Variants in RIMS1 observed in about 807,000 individuals in gnomAD.
RIMS1 encodes the protein regulating synaptic membrane exocytosis 1.
RIMS1 carries 83 observed loss-of-function variants against 214.1 expected under a neutral mutation model. That is an observed-to-expected ratio of 0.39 (90% CI 0.32 to 0.47). RIMS1 has a LOEUF of 0.47. RIMS1 is among the 20% of genes least tolerant of loss of function. The pLI, the probability that RIMS1 is intolerant of heterozygous loss-of-function variation, is 0.99. For missense variants in RIMS1, 2,050 were observed against 2,161.8 expected, an observed-to-expected ratio of 0.95 and a Z score of 1.03; for synonymous variants, 793 against 786.8, an observed-to-expected ratio of 1.01 and a Z score of -0.13.
rs1003257363 is a variant in RIMS1 at position 72,223,288 on chromosome 6, C to T, written c.1679-10485C>T. On this transcript the variant is annotated intron_variant, in intron 6 of 33. Transcript: ENST00000521978. ...ACTTGCTATTTACTGTAAAGTAATA[C>T]CTGCACATCAGTTCCATTTTGTTGT... 3.3e-5 allele frequency among the ~76,000 whole-genome samples: 5 copies of T among 152,206 alleles called. No homozygotes were observed. In the East Asian group the frequency reaches 9.6e-4, roughly 29 times the overall value.
intron 28 of RIMS1, among the ~76,000 whole-genome samples, chr6:72,329,896 C>T (rs566524193): frequency 7.9e-5 from 12 of 151,810 alleles, no homozygotes; most frequent in African/African-American, 2.7e-4. Flanking sequence ...CAAGCAGATA[C>T]GTCAGTTGAC....
At chr6:72,398,889 T>C (rs780368695) in intron 32 of RIMS1, 66 bp from the exon 33 acceptor site, 26 of 1,000,632 alleles carry the variant, frequency 2.6e-5, no homozygotes, top group Non-Finnish European at 3.6e-5. Flanking sequence ...AATAGGGAAT[T>C]CTCTAATTAA....
At chr6:72,278,165 A>T (rs2087736428) in intron 23 of RIMS1, among the ~76,000 whole-genome samples, 1 of 151,542 alleles carries the variant, frequency 6.6e-6, no homozygotes, top group Admixed American at 6.6e-5. Context: ...CTATCTATCT[A>T]TCTATCTATC....
At chr6:72,030,721 T>C (rs1459591997) in intron 2 of RIMS1, among the ~76,000 whole-genome samples, 1 of 152,176 alleles carries the variant, frequency 6.6e-6, no homozygotes, top group Non-Finnish European at 1.5e-5. Context: ...TCAAAATCCA[T>C]GTGATCTTTT....
At chr6:71,987,285 ATAGTTC>A (rs879797480) in intron 2 of RIMS1, among the ~76,000 whole-genome samples, 2 of 152,200 alleles carry the variant, frequency 1.3e-5, no homozygotes, top group Non-Finnish European at 2.9e-5. Flanking sequence ...TTTATTTCTC[ATAGTTC>A]TGGAGGCTGA....
At chr6:72,271,286 A>AAAAAT (rs1417580438) in intron 22 of RIMS1, among the ~76,000 whole-genome samples, 1 of 44,422 alleles carries the variant, frequency 2.3e-5, no homozygotes, top group African/African-American at 1.1e-4. Context: ...AAAAAAAAAA[A>AAAAAT]ATATATATAT....
intron 1 of RIMS1, among the ~76,000 whole-genome samples, chr6:71,896,099 G>A (rs1431014499): frequency 6.6e-6 from 1 of 152,034 alleles, no homozygotes; most frequent in Non-Finnish European, 1.5e-5. Context: ...TGGAATAAAG[G>A]GATATTGAAA....
intron 26 of RIMS1, among the ~76,000 whole-genome samples, chr6:72,303,690 G>A (rs944737675): frequency 4.6e-5 from 7 of 151,412 alleles, no homozygotes; most frequent in Admixed American, 2.0e-4. Flanking sequence ...TATTAAAAAA[G>A]CCATAGTTTG....
Position 72,333,696 on chromosome 6 carries a change from G to A in RIMS1, c.4227G>A (p.Glu1409=). Residue 1409 remains glutamate, a synonymous_variant, in exon 29 of 34, where the codon GAG becomes GAA. Transcript: ENST00000521978. ...TSVSGEMYTL[E]HNDGSQSDTA... is the part of the protein sequence containing the mutation. ...TCAGTGGAGAGATGTACACACTGGA[G>A]CATAATGACGGCAGCCAGTCAGACA... is the stretch of plus-strand genomic sequence containing the variant. 6.3e-7 allele frequency: 1 copy of A among 1,594,454 alleles called. No homozygotes were observed. The highest frequency in any genetic ancestry group is 8.5e-7 in the Non-Finnish European group (1 of 1,170,464).
At chr6:72,354,080 C>T (rs2097550802) in intron 29 of RIMS1, among the ~76,000 whole-genome samples, 1 of 152,048 alleles carries the variant, frequency 6.6e-6, no homozygotes, top group Admixed American at 6.6e-5. Flanking sequence ...ATTAGCCGGG[C>T]GTGGTGGCAC....
chr6:71,963,258 C>T (rs1264357211), intron 1 of RIMS1, among the ~76,000 whole-genome samples: 1 of 152,048 alleles, frequency 6.6e-6, no homozygotes, highest in African/African-American at 2.4e-5. Context: ...GATTAAAATC[C>T]TGACTTCTTA....
chr6:72,036,832 G>T (rs1422116855), intron 2 of RIMS1, among the ~76,000 whole-genome samples: 3 of 152,266 alleles, frequency 2.0e-5, no homozygotes, highest in Non-Finnish European at 4.4e-5. Context: ...ATGTAGAGTT[G>T]TTCTCAAGCT....
chr6:72,188,554 T>G (rs2049521503), intron 6 of RIMS1, among the ~76,000 whole-genome samples: 1 of 152,370 alleles, frequency 6.6e-6, no homozygotes, highest in East Asian at 1.9e-4. Flanking sequence ...TAAGAACTCA[T>G]GACAATTACA....
intron 4 of RIMS1, among the ~76,000 whole-genome samples, chr6:72,168,721 GTTTTTTTT>G (rs5877314): frequency 7.9e-5 from 8 of 101,192 alleles, no homozygotes; most frequent in Non-Finnish European, 1.3e-4. Context: ...TAGTTTCAGG[GTTTTTTTT>G]TTTTTTTTTT....
intron 29 of RIMS1, among the ~76,000 whole-genome samples, chr6:72,374,245 A>G (rs1182465031): frequency 6.6e-6 from 1 of 152,118 alleles, no homozygotes; most frequent in Non-Finnish European, 1.5e-5. Context: ...ACTTCATTGT[A>G]CCAATTCTCA....
At chr6:72,165,837 G>A (rs1014584985) in intron 4 of RIMS1, among the ~76,000 whole-genome samples, 2 of 151,968 alleles carry the variant, frequency 1.3e-5, no homozygotes, top group Non-Finnish European at 2.9e-5. Flanking sequence ...GTAAACAGAG[G>A]GAAAAATATC....
At chr6:72,024,906 T>G (rs992570079) in intron 2 of RIMS1, among the ~76,000 whole-genome samples, 5 of 140,834 alleles carry the variant, frequency 3.6e-5, no homozygotes, top group Non-Finnish European at 7.8e-5. Context: ...GTGGGTTTTT[T>G]TTTTTTTTTT....
intron 1 of RIMS1, among the ~76,000 whole-genome samples, chr6:71,902,536 T>G (rs1346810470): frequency 2.0e-5 from 3 of 152,124 alleles, no homozygotes; most frequent in Non-Finnish European, 4.4e-5. Flanking sequence ...TCTTTTTTTC[T>G]TCAACAGTTA....
At chr6:72,085,146 G>A (rs1482283877) in intron 2 of RIMS1, among the ~76,000 whole-genome samples, 1 of 151,958 alleles carries the variant, frequency 6.6e-6, no homozygotes, top group Non-Finnish European at 1.5e-5. Context: ...AAAATAAAAT[G>A]CTTTAGTGCC....
Sources: allele counts gnomAD v4.1 joint callset (sites outside exome capture counted in the v4.1 genomes callset), GRCh38; gene constraint gnomAD v4.1.1; transcripts MANE v1.5; gene names NCBI Gene and HGNC (gene_info 2026-07-23, HGNC 2026-07-21).